CCNH: variants seen among roughly 807,000 people sequenced by gnomAD.
CCNH encodes the protein cyclin-H.
Under a neutral mutation model 41.9 loss-of-function variants are expected in CCNH, and 31 were observed. The observed-to-expected ratio is 0.74, with a 90% confidence interval of 0.56 to 1.00. The LOEUF (loss-of-function observed/expected upper bound fraction) is 1.00. Ranked by LOEUF, CCNH falls within the 50% of genes least tolerant of loss-of-function variation. The pLI is 0.00. For synonymous variants in CCNH, 138 were observed against 136.1 expected, an observed-to-expected ratio of 1.01 and a Z score of -0.10; for missense variants, 362 against 388.4, an observed-to-expected ratio of 0.93 and a Z score of 0.57.
At chr5:87,373,880 G>GA (rs1339779124), downstream of CCNH, among the ~76,000 whole-genome samples, 2 of 151,838 alleles carry the variant, frequency 1.3e-5, no homozygotes, top group Admixed American at 1.3e-4. Flanking sequence ...TTTTATGGTA[G>GA]AAAAGGTGTA....
At chr5:87,372,407 C>T (rs908795820), downstream of CCNH, among the ~76,000 whole-genome samples, 5 of 152,094 alleles carry the variant, frequency 3.3e-5, no homozygotes, top group African/African-American at 9.7e-5. Context: ...AAAGATTATT[C>T]TTCCACTTTA....
chr5:87,394,791 A>G (rs1466912280), intron 8 of CCNH: 42 of 1,342,428 alleles, frequency 3.1e-5, no homozygotes, highest in Non-Finnish European at 3.8e-5. Flanking sequence ...GAAAAAAAGC[A>G]AAAATGTAGT....
chr5:87,400,045 A>C (rs1367143532), intron 6 of CCNH, among the ~76,000 whole-genome samples: 1 of 152,228 alleles, frequency 6.6e-6, no homozygotes, highest in Non-Finnish European at 1.5e-5. Flanking sequence ...GGTTAAAAGC[A>C]AACTACTGTA....
intron 6 of CCNH, among the ~76,000 whole-genome samples, chr5:87,400,154 G>C (rs1763291983): frequency 6.6e-6 from 1 of 152,088 alleles, no homozygotes; most frequent in Admixed American, 6.6e-5. Context: ...GGAATGATGA[G>C]AGATCCAATG....
chr5:87,410,961 GTAAT>G (rs1342894168), intron 2 of CCNH, among the ~76,000 whole-genome samples: 2 of 152,172 alleles, frequency 1.3e-5, no homozygotes, highest in Non-Finnish European at 1.5e-5. Flanking sequence ...TTAGAGGAAA[GTAAT>G]TTATTTTTTT....
intron 3 of CCNH, among the ~76,000 whole-genome samples, chr5:87,408,612 C>T (rs888992502): frequency 2.0e-5 from 3 of 151,716 alleles, no homozygotes; most frequent in African/African-American, 2.4e-5. Context: ...GGAAGGCCAT[C>T]GGCAGAAGTC....
intron 9 of CCNH, among the ~76,000 whole-genome samples, chr5:87,338,536 A>ATATATATTTTTTT: frequency 3.2e-4 from 27 of 85,206 alleles, no homozygotes; most frequent in African/African-American, 8.8e-4. Context: ...TATATATAAA[A>ATATATATTTTTTT]TTTTTTTTTT....
At chr5:87,376,808 A>AT (rs1176395492) in exon 1 of CCNH, 40 of 1,440,284 alleles carry the variant, frequency 2.8e-5, no homozygotes, top group Non-Finnish European at 3.9e-5. Context: ...GAAAGAACAT[A>AT]TTTCTTGTTA....
At chr5:87,374,334 T>C (rs772260018), downstream of CCNH, 1 of 1,594,310 alleles carries the variant, frequency 6.3e-7, no homozygotes, top group Non-Finnish European at 8.6e-7. Context: ...AGTCTTATTT[T>C]ATCATTACAT....
downstream of CCNH, chr5:87,389,644 C>A: frequency 7.5e-7 from 1 of 1,337,740 alleles, no homozygotes; most frequent in Non-Finnish European, 1.1e-6. Flanking sequence ...TTTTGAGACT[C>A]TGCATCATAT....
exon 10 of CCNH, chr5:87,318,416 A>G (rs58974034): frequency 0.032 from 4,851 of 152,366 alleles, 163 homozygotes; most frequent in African/African-American, 0.074. Flanking sequence ...GAGACTGGGT[A>G]GTTTATAAAG....
intron 9 of CCNH, chr5:87,383,891 C>A: frequency 3.2e-6 from 3 of 945,794 alleles, no homozygotes; most frequent in Non-Finnish European, 4.8e-6. Context: ...CAATTCTAGT[C>A]ATGGCATATA....
chr5:87,389,154 GAGAA>G (rs1762281598), downstream of CCNH: 51 of 409,842 alleles, frequency 1.2e-4, 2 homozygotes, highest in South Asian at 1.1e-3. Flanking sequence ...TGAGACTACA[GAGAA>G]AGATTTGTAT....
At chr5:87,346,796 T>C (rs1758895442) in intron 9 of CCNH, 82 of 1,226,274 alleles carry the variant, frequency 6.7e-5, no homozygotes, top group Non-Finnish European at 9.7e-5. Flanking sequence ...CCATTTATCA[T>C]GTGTTTTGCC....
intron 6 of CCNH, among the ~76,000 whole-genome samples, chr5:87,401,029 A>T (rs1405384428): frequency 6.6e-6 from 1 of 152,214 alleles, no homozygotes; most frequent in African/African-American, 2.4e-5. Flanking sequence ...TGCTATTAAA[A>T]TTATCACAAA....
downstream of CCNH, chr5:87,374,149 T>A (rs36000817): frequency 0.04 from 44,815 of 1,110,972 alleles, 254 homozygotes; most frequent in Non-Finnish European, 0.044. Flanking sequence ...ATATATATAT[T>A]TTTTTTTTTT....
At chr5:87,372,830 C>T (rs1401263953), downstream of CCNH, among the ~76,000 whole-genome samples, 1 of 152,118 alleles carries the variant, frequency 6.6e-6, no homozygotes, top group African/African-American at 2.4e-5. Flanking sequence ...TATTTATTTA[C>T]TAACCAAAGT....
rs1356494617 is a variant in CCNH at position 87,376,652 on chromosome 5, T to C, written n.529A>G. 4 of 1,474,768 alleles carry C rather than the reference T, an allele frequency of 2.7e-6. No homozygotes were observed. In the African/African-American group the frequency reaches 4.2e-5, roughly 16 times the overall value. 91.4% of individuals were successfully genotyped at this position (1,474,768 alleles called of 1,614,324 possible). The stretch of plus-strand genomic sequence containing the variant: ...AAAAGATCCATTAAGGTAAACATAG[T>C]AATTCATAGCTTAGTAGCACAATGA... On this transcript the variant is annotated non_coding_transcript_exon_variant, in exon 1 of 1. Transcript: ENST00000607486.
upstream of CCNH, chr5:87,378,611 A>G (rs1206214541): frequency 7.1e-7 from 1 of 1,413,324 alleles, no homozygotes; most frequent in African/African-American, 1.4e-5. Context: ...GTAGCCAATT[A>G]CATTTTAAGG....
Sources: allele counts gnomAD v4.1 joint callset (sites outside exome capture counted in the v4.1 genomes callset), GRCh38; gene constraint gnomAD v4.1.1; transcripts MANE v1.5; gene names NCBI Gene and HGNC (gene_info 2026-07-23, HGNC 2026-07-21).